Variants in PTPRN2 observed in about 807,000 individuals in gnomAD.
PTPRN2 encodes the protein protein tyrosine phosphatase receptor type N2.
A neutral mutation model predicts 118.8 loss-of-function variants in PTPRN2; 74 were observed. The ratio of observed to expected loss-of-function variants is 0.62; its 90% CI spans 0.52 to 0.76. The LOEUF (loss-of-function observed/expected upper bound fraction) is 0.76. Ranked by LOEUF, PTPRN2 falls within the 30% of genes least tolerant of loss-of-function variation. The pLI, the probability that PTPRN2 is intolerant of heterozygous loss-of-function variation, is 0.00. For synonymous variants in PTPRN2, 641 were observed against 608.0 expected (o/e 1.05, Z -0.80); for missense variants, 1,481 against 1,394.4 (o/e 1.06, Z -0.99).
chr7:157,621,396 G>A lies in PTPRN2; in HGVS notation c.2310C>T (p.Asn770=), dbSNP rs201931564. 53 of 1,589,634 alleles carry A rather than the reference G, an allele frequency of 3.3e-5. No individual in the cohort carries two copies. In the East Asian group the frequency reaches 6.8e-4, roughly 20 times the overall value. ...CGGCCAGGGAGCGGTTCTTGGGCAC[G>A]TTCTCCTCCCTCTGGGCCACGAACG... is the stretch of plus-strand genomic sequence containing the variant. ...NSSFVAQREE[N]VPKNRSLAVL... The change falls in exon 15 of 23, where the codon AAC becomes AAT. Residue 770 remains asparagine, a synonymous_variant. Transcript: ENST00000389418.
At chr7:157,834,830 A>T (rs1807824130) in intron 12 of PTPRN2, among the ~76,000 whole-genome samples, 1 of 152,198 alleles carries the variant, frequency 6.6e-6, no homozygotes, top group African/African-American at 2.4e-5. Flanking sequence ...TGAACCCCAA[A>T]TGTGTTGTCA....
intron 15 of PTPRN2, among the ~76,000 whole-genome samples, chr7:157,613,378 G>C (rs983035957): frequency 6.6e-6 from 1 of 152,226 alleles, no homozygotes; most frequent in African/African-American, 2.4e-5. Context: ...CGGCTGCGGG[G>C]AGACACGGGC....
intron 1 of PTPRN2, among the ~76,000 whole-genome samples, chr7:158,557,573 G>T (rs1296822077): frequency 6.6e-6 from 1 of 152,254 alleles, no homozygotes; most frequent in East Asian, 1.9e-4. Flanking sequence ...CTGTGCTCGG[G>T]TGTGTTTCCT....
At chr7:157,543,000 T>A (rs1585005478) in intron 22 of PTPRN2, among the ~76,000 whole-genome samples, 1 of 152,188 alleles carries the variant, frequency 6.6e-6, no homozygotes, top group South Asian at 2.1e-4. Context: ...CGAAGGTCTG[T>A]GGCCACGTTC....
At chr7:158,319,496 A>C in intron 2 of PTPRN2, among the ~76,000 whole-genome samples, 2 of 37,340 alleles carry the variant, frequency 5.4e-5, no homozygotes, top group Non-Finnish European at 1.1e-4. Flanking sequence ...CCTCACACTC[A>C]CACAGCCTCC....
intron 2 of PTPRN2, among the ~76,000 whole-genome samples, chr7:158,321,081 C>T (rs1802972339): frequency 6.6e-6 from 1 of 152,030 alleles, no homozygotes; most frequent in African/African-American, 2.4e-5. Flanking sequence ...ATCAGGAAAG[C>T]ATCAGGTGCG....
chr7:158,266,485 T>A (rs1192835793), intron 3 of PTPRN2, among the ~76,000 whole-genome samples: 2 of 151,378 alleles, frequency 1.3e-5, no homozygotes, highest in Non-Finnish European at 2.9e-5. Flanking sequence ...GGGGACGGTG[T>A]CCGCTGCAGT....
intron 11 of PTPRN2, among the ~76,000 whole-genome samples, chr7:157,926,450 A>G (rs994023308): frequency 6.6e-6 from 1 of 152,254 alleles, no homozygotes; most frequent in Non-Finnish European, 1.5e-5. Context: ...GCATCTCATC[A>G]AATTCTGAGT....
rs117896748 is a variant in PTPRN2, at chr7:157,910,284, C to T, written c.1724-11547G>A. 0.011 allele frequency among the ~76,000 whole-genome samples: 1,591 copies of T among 148,926 alleles called. 133 individuals carry two copies. The East Asian group carries it at 0.23, about 22-fold the overall frequency. Reference sequence around the variant, plus strand: ...GAACGGGTGCAGGACCACGCACGTACGCCGGATCACGCACGTACGCCGTGG... The same window carrying T: ...GAACGGGTGCAGGACCACGCACGTATGCCGGATCACGCACGTACGCCGTGG... On this transcript the variant is annotated intron_variant, in intron 11 of 22. Transcript: ENST00000389418.
At chr7:158,163,250 T>C (rs1483353776) in intron 6 of PTPRN2, among the ~76,000 whole-genome samples, 1 of 152,030 alleles carries the variant, frequency 6.6e-6, no homozygotes, top group African/African-American at 2.4e-5. Flanking sequence ...CAATTCTCTC[T>C]ATTTCTTAGG....
At chr7:157,782,360 G>A (rs530546724) in intron 12 of PTPRN2, among the ~76,000 whole-genome samples, 3 of 152,338 alleles carry the variant, frequency 2.0e-5, no homozygotes, top group African/African-American at 4.8e-5. Context: ...AGTGCCAGGC[G>A]GAATCGGTTC....
intron 9 of PTPRN2, among the ~76,000 whole-genome samples, chr7:158,131,986 ACT>A (rs1476028553): frequency 2.1e-5 from 3 of 145,396 alleles, no homozygotes; most frequent in African/African-American, 5.2e-5. Context: ...CAACACACAC[ACT>A]CACACACATG....
intron 11 of PTPRN2, among the ~76,000 whole-genome samples, chr7:157,955,695 A>G (rs1249826269): frequency 6.6e-6 from 1 of 152,156 alleles, no homozygotes; most frequent in African/African-American, 2.4e-5. Context: ...GAGAAAGACA[A>G]GGAGGGCAAG....
At chr7:158,500,095 G>A (rs1822248915) in intron 1 of PTPRN2, among the ~76,000 whole-genome samples, 3 of 148,844 alleles carry the variant, frequency 2.0e-5, no homozygotes, top group African/African-American at 7.4e-5. Flanking sequence ...AGATAGGAAA[G>A]AATATTGCCT....
At chr7:158,017,376 G>T (rs1806532295) in intron 11 of PTPRN2, among the ~76,000 whole-genome samples, 1 of 152,032 alleles carries the variant, frequency 6.6e-6, no homozygotes, top group South Asian at 2.1e-4. Flanking sequence ...GGGAGGGGAG[G>T]ATGAGGCCCA....
intron 1 of PTPRN2, among the ~76,000 whole-genome samples, chr7:158,569,279 G>T (rs1318844659): frequency 6.8e-6 from 1 of 147,442 alleles, no homozygotes; most frequent in African/African-American, 2.4e-5. Flanking sequence ...GGGAGGCCCC[G>T]TGTCCCTGAG....
At chr7:158,150,777 C>A (rs190290463) in intron 6 of PTPRN2, among the ~76,000 whole-genome samples, 1 of 151,958 alleles carries the variant, frequency 6.6e-6, no homozygotes, top group East Asian at 1.9e-4. Flanking sequence ...ATCTGCAGCA[C>A]CGCGACCCAG....
intron 12 of PTPRN2, among the ~76,000 whole-genome samples, chr7:157,840,460 G>T (rs915704035): frequency 1.3e-5 from 2 of 151,954 alleles, no homozygotes; most frequent in Non-Finnish European, 2.9e-5. Flanking sequence ...GTGACCGCGT[G>T]TGACTGTGTG....
rs112100112 is a variant in PTPRN2 at position 158,324,910 on chromosome 7, C to T, written c.164-7978G>A. ...CCCAGGCCTGCACTAAACGACATCCCGAGTGACACGTCCAGGCCTGCCCTA... is the reference window on the plus strand; with the variant it reads ...CCCAGGCCTGCACTAAACGACATCCTGAGTGACACGTCCAGGCCTGCCCTA... On this transcript the variant is annotated intron_variant, in intron 2 of 22. Transcript: ENST00000389418. 4.4e-3 allele frequency among the ~76,000 whole-genome samples: 675 copies of T among 152,288 alleles called. 8 individuals carry two copies. Among genetic ancestry groups the T allele is most frequent in the African/African-American group, 0.015 (641 of 41,556 alleles).
Sources: gnomAD v4.1 joint callset for allele counts (sites outside exome capture counted in the v4.1 genomes callset) on GRCh38, gnomAD v4.1.1 for gene constraint, MANE v1.5 for transcripts, NCBI Gene and HGNC (gene_info 2026-07-23, HGNC 2026-07-21) for gene names.